The following BFSP2 variants were observed in gnomAD, a reference collection of about 807,000 sequenced individuals.
The protein encoded by BFSP2 is beaded filament structural protein 2.
A neutral mutation model predicts 44.9 loss-of-function variants in BFSP2; 38 were observed. That is an observed-to-expected ratio of 0.85 (90% confidence interval 0.65 to 1.11). The LOEUF (loss-of-function observed/expected upper bound fraction) is 1.11, where lower values mean the gene tolerates loss of function less well. Ranked by LOEUF, BFSP2 falls within the 50% of genes least tolerant of loss-of-function variation. The pLI is 0.00. For missense variants in BFSP2, 525 were observed against 533.0 expected, an observed-to-expected ratio of 0.99 and a Z score of 0.15; for synonymous variants, 197 against 209.9, an observed-to-expected ratio of 0.94 and a Z score of 0.53.
intron 1 of BFSP2, among the ~76,000 whole-genome samples, chr3:133,428,668 A>T (rs919944657): frequency 6.6e-6 from 1 of 152,214 alleles, no homozygotes; most frequent in South Asian, 2.1e-4. Context: ...AAAGTCGGGG[A>T]TAACTGTCTG....
intron 5 of BFSP2, among the ~76,000 whole-genome samples, chr3:133,469,334 G>C (rs569087077): frequency 6.6e-6 from 1 of 152,224 alleles, no homozygotes; most frequent in Non-Finnish European, 1.5e-5. Context: ...CTGTCAGAGC[G>C]ATCTGTGCAC....
chr3:133,464,944 A>T (rs745558300), intron 4 of BFSP2, among the ~76,000 whole-genome samples: 1 of 151,922 alleles, frequency 6.6e-6, no homozygotes, highest in Admixed American at 6.6e-5. Flanking sequence ...TGTAAAGACC[A>T]AACAGTAAGA....
intron 1 of BFSP2, among the ~76,000 whole-genome samples, chr3:133,402,366 A>T (rs1323759987): frequency 6.6e-6 from 1 of 152,216 alleles, no homozygotes; most frequent in African/African-American, 2.4e-5. Context: ...CAATGCTTAC[A>T]TATTCCAGCA....
chr3:133,464,625 G>T (rs2074092535), intron 4 of BFSP2, among the ~76,000 whole-genome samples: 1 of 148,462 alleles, frequency 6.7e-6, no homozygotes, highest in Non-Finnish European at 1.5e-5. Flanking sequence ...AAAGTTATTT[G>T]TTGGCCACTA....
At chr3:133,467,256 AC>A (rs1483439356) in intron 5 of BFSP2, among the ~76,000 whole-genome samples, 3 of 152,082 alleles carry the variant, frequency 2.0e-5, no homozygotes, top group African/African-American at 7.2e-5. Flanking sequence ...ACCTGCCCTT[AC>A]CCACACTGAG....
chr3:133,475,093 T>C lies in BFSP2; in HGVS notation c.*121T>C. 2.8e-6 allele frequency: 4 copies of C among 1,418,070 alleles called. No individual in the cohort carries two copies. The highest frequency in any genetic ancestry group is 1.1e-5 in the South Asian group (1 of 87,084). The allele number at this position is 1,418,070 out of a possible 1,614,324, so 87.8% of individuals were successfully genotyped here. ...GCTGGATTCCCTGGTTAATTCAGCTTGAGCTGAAAAGCTTCCTGGAAGTGG... is the reference window on the plus strand; with the variant it reads ...GCTGGATTCCCTGGTTAATTCAGCTCGAGCTGAAAAGCTTCCTGGAAGTGG... On this transcript the variant is annotated 3_prime_UTR_variant, in exon 7 of 7. Transcript: ENST00000302334.
intron 3 of BFSP2, chr3:133,449,405 CTTTGTTTTTGTT>C (rs145314517): frequency 2.0e-5 from 3 of 151,592 alleles, no homozygotes; most frequent in Admixed American, 1.3e-4. Context: ...TTGTTGCTTA[CTTTGTTTTTGTT>C]TTTGTTTTTG....
intron 1 of BFSP2, among the ~76,000 whole-genome samples, chr3:133,444,131 G>A (rs1408234075): frequency 6.6e-6 from 1 of 151,568 alleles, no homozygotes; most frequent in East Asian, 1.9e-4. Flanking sequence ...TATATATCAA[G>A]CCACTAGATG....
chr3:133,451,707 C>T (rs567962497), intron 4 of BFSP2, among the ~76,000 whole-genome samples: 5 of 152,298 alleles, frequency 3.3e-5, no homozygotes, highest in South Asian at 2.1e-4. Context: ...CAGTCTGACA[C>T]TTTGAGATGT....
chr3:133,467,865 C>A (rs1201923351), intron 5 of BFSP2, among the ~76,000 whole-genome samples: 1 of 152,044 alleles, frequency 6.6e-6, no homozygotes, highest in Non-Finnish European at 1.5e-5. Context: ...TAGGTCCGTG[C>A]AAGCATGTAT....
intron 4 of BFSP2, among the ~76,000 whole-genome samples, chr3:133,462,482 C>T (rs2074073202): frequency 6.6e-6 from 1 of 152,230 alleles, no homozygotes. Context: ...TGGCCAGCAG[C>T]TTTACACTAG....
intron 1 of BFSP2, among the ~76,000 whole-genome samples, chr3:133,417,110 C>T (rs189948424): frequency 1.4e-5 from 2 of 147,124 alleles, no homozygotes; most frequent in Admixed American, 6.7e-5. Flanking sequence ...TCTACTCACC[C>T]CTGCCTTCTC....
At chr3:133,468,496 CA>C (rs1322494487) in intron 5 of BFSP2, among the ~76,000 whole-genome samples, 2 of 152,098 alleles carry the variant, frequency 1.3e-5, no homozygotes, top group Non-Finnish European at 2.9e-5. Flanking sequence ...CTGGAACACC[CA>C]AAAATGGCTT....
intron 1 of BFSP2, among the ~76,000 whole-genome samples, chr3:133,444,532 A>G (rs752219032): frequency 5.9e-5 from 9 of 152,158 alleles, no homozygotes; most frequent in Admixed American, 1.3e-4. Flanking sequence ...AAATGTGGTA[A>G]GAGAGGGATA....
intron 1 of BFSP2, among the ~76,000 whole-genome samples, chr3:133,446,546 CT>C (rs2073898627): frequency 8.1e-6 from 1 of 122,714 alleles, no homozygotes; most frequent in South Asian, 2.6e-4. Context: ...CAGGCTCCCC[CT>C]ATCAGAGCCT....
At chr3:133,432,057 C>T (rs2073727199) in intron 1 of BFSP2, among the ~76,000 whole-genome samples, 1 of 152,070 alleles carries the variant, frequency 6.6e-6, no homozygotes, top group Admixed American at 6.6e-5. Context: ...ATCACATGCC[C>T]ATCACCATCC....
chr3:133,413,693 T>C (rs1483590063), intron 1 of BFSP2, among the ~76,000 whole-genome samples: 4 of 151,960 alleles, frequency 2.6e-5, no homozygotes, highest in East Asian at 1.9e-4. Context: ...CTGTCACAAG[T>C]GCATTATTCA....
In BFSP2 at chr3:133,446,570, T is replaced by TTTTATATATA. The variant is rs1559973751; in HGVS notation, c.490-746_490-745insTTATATATAT. On this transcript the variant is annotated intron_variant, in intron 1 of 6. Transcript: ENST00000302334. The stretch of plus-strand genomic sequence containing the variant: ...CCTATCAGAGCCTTCAGCTCACCAT[T>TTTTATATATA]TATATATATATATATATATATATAT... Among the ~76,000 whole-genome samples the TTTTATATATA allele has an allele frequency of 8.9e-5, 2 of 22,366 alleles. 1 individual carries two copies. The highest frequency in any genetic ancestry group is 3.0e-4 in the Non-Finnish European group (2 of 6,568). The allele number at this position is 22,366 out of a possible 152,430, so 14.7% of individuals were successfully genotyped here.
At chr3:133,448,407 T>C (rs1453304560) in intron 2 of BFSP2, 82 bp from the exon 3 acceptor site, 4 of 1,517,580 alleles carry the variant, frequency 2.6e-6, no homozygotes, top group South Asian at 1.1e-5. Flanking sequence ...TATCACATAA[T>C]TGGCCTGTTG....
Sources: gnomAD v4.1 joint callset for allele counts (sites outside exome capture counted in the v4.1 genomes callset) on GRCh38, gnomAD v4.1.1 for gene constraint, MANE v1.5 for transcripts, NCBI Gene and HGNC (gene_info 2026-07-23, HGNC 2026-07-21) for gene names.